HPCAL1: variants seen among roughly 807,000 people sequenced by gnomAD.
The protein encoded by HPCAL1 is hippocalcin-like protein 1.
HPCAL1 carries 8 observed loss-of-function variants against 17.1 expected under a neutral mutation model. The observed-to-expected ratio is 0.47, with a 90% CI of 0.27 to 0.84. HPCAL1 has a LOEUF of 0.84. HPCAL1 is among the 40% of genes least tolerant of loss of function. The pLI is 0.13. For synonymous variants in HPCAL1, 112 were observed against 111.4 expected (o/e 1.01, Z -0.03); for missense variants, 165 against 271.1 (o/e 0.61, Z 2.75).
chr2:10,341,315 G>A (rs1040261512), intron 1 of HPCAL1, among the ~76,000 whole-genome samples: 4 of 152,022 alleles, frequency 2.6e-5, no homozygotes, highest in African/African-American at 9.7e-5. Flanking sequence ...ACAAAAATTA[G>A]CCAGACACGG....
chr2:10,413,998 C>T (rs1330426412), intron 2 of HPCAL1, among the ~76,000 whole-genome samples: 1 of 152,392 alleles, frequency 6.6e-6, no homozygotes, highest in South Asian at 2.1e-4. Context: ...GGGCCAGCCT[C>T]CCCTCTGCTG....
rs1665191415 is a variant in HPCAL1, at chr2:10,342,973, G to A, written c.-111+39796G>A. On this transcript the variant is annotated intron_variant, in intron 1 of 4. Transcript: ENST00000307845. The surrounding 1 kb of genome is among the most constrained non-coding windows in gnomAD (Gnocchi z 4.1). ...TGGAGATGGCCAGTGCTGGTTTGAA[G>A]CTTCTGTCTTCTGTGTGGGATATCA... Among the ~76,000 whole-genome samples, 1 of 152,166 alleles carries A rather than the reference G, an allele frequency of 6.6e-6. No homozygotes were observed. Among genetic ancestry groups the A allele is most frequent in the African/African-American group, 2.4e-5 (1 of 41,430 alleles).
chr2:10,346,148 G>A (rs1027823960), intron 1 of HPCAL1, among the ~76,000 whole-genome samples: 2 of 151,984 alleles, frequency 1.3e-5, no homozygotes, highest in African/African-American at 2.4e-5. Context: ...GGTCCATCAG[G>A]GGCTGGTGGC....
rs150827369 is a variant in HPCAL1 at position 10,326,825 on chromosome 2, G to A, written c.-111+23648G>A. Among the ~76,000 whole-genome samples the A allele has an allele frequency of 6.8e-3, 1,030 of 152,274 alleles. 8 individuals carry two copies. The highest frequency in any genetic ancestry group is 0.023 in the African/African-American group (971 of 41,542). ...TGCATTTGAAAGTTGGCTGGTGCTC[G>A]CTGACAGATGCCGAGGCTCCCGTTT... On this transcript the variant is annotated intron_variant, in intron 1 of 4. Transcript: ENST00000307845.
rs1037578482 is a variant in HPCAL1, at chr2:10,419,073, C to T, written c.-24-661C>T. On this transcript the variant is annotated intron_variant, in intron 2 of 4. Coordinates refer to ENST00000307845, the MANE Select transcript of HPCAL1 (RefSeq NM_002149.4). The surrounding 1 kb of genome is among the most constrained non-coding windows in gnomAD (Gnocchi z 5.0). ...AAAAATACAAAAAATTAGCTGGGCGCGGTGGTGCATGCCTGTAATCCCAGC... is the reference window on the plus strand; with the variant it reads ...AAAAATACAAAAAATTAGCTGGGCGTGGTGGTGCATGCCTGTAATCCCAGC... Among the ~76,000 whole-genome samples the T allele has an allele frequency of 2.0e-5, 3 of 151,734 alleles. No individual in the cohort carries two copies. Among genetic ancestry groups the T allele is most frequent in the East Asian group, 3.9e-4 (2 of 5,176 alleles).
chr2:10,329,674 T>C (rs1171200208), intron 1 of HPCAL1, among the ~76,000 whole-genome samples: 1 of 152,252 alleles, frequency 6.6e-6, no homozygotes, highest in Non-Finnish European at 1.5e-5. Flanking sequence ...CACCGGGCTT[T>C]GTCTCTGCTT....
chr2:10,400,750 C>T (rs1281338213), intron 2 of HPCAL1, among the ~76,000 whole-genome samples: 2 of 150,708 alleles, frequency 1.3e-5, no homozygotes, highest in Non-Finnish European at 2.9e-5. Flanking sequence ...CCTGCACACA[C>T]GTACACACCC....
intron 1 of HPCAL1, among the ~76,000 whole-genome samples, chr2:10,319,531 T>G (rs1663534140): frequency 7.3e-6 from 1 of 137,524 alleles, no homozygotes; most frequent in African/African-American, 2.8e-5. Flanking sequence ...AACAGCCAGC[T>G]GTGTGATCAC....
At chr2:10,381,955 CAAA>C (rs925264726) in intron 1 of HPCAL1, among the ~76,000 whole-genome samples, 1 of 152,214 alleles carries the variant, frequency 6.6e-6, no homozygotes, top group African/African-American at 2.4e-5. Context: ...TATGTCCACA[CAAA>C]AACCTGCACA....
rs777291616 is a variant in HPCAL1, at chr2:10,420,142, G to A, written c.378+7G>A. 1 of 1,600,554 alleles carries A rather than the reference G, an allele frequency of 6.2e-7. No individual in the cohort carries two copies. The highest frequency in any genetic ancestry group is 8.5e-7 in the Non-Finnish European group (1 of 1,171,224). ...GATGCTGGAGATCGTGCAGGTACCG[G>A]CGCCCGAGGCCCCGGGTCTCACCGC... On this transcript the variant is annotated splice_region_variant and intron_variant, in intron 3 of 4. Coordinates refer to ENST00000307845, the MANE Select transcript of HPCAL1 (RefSeq NM_002149.4).
In HPCAL1 at chr2:10,368,235, ATG is replaced by A. The variant is rs56867598; in HGVS notation, c.-110-28589_-110-28588del. Among the ~76,000 whole-genome samples the A allele has an allele frequency of 2.1e-3, 295 of 142,156 alleles. 1 individual carries two copies. Among genetic ancestry groups the A allele is most frequent in the Middle Eastern group, 0.011 (3 of 268 alleles). The allele number at this position is 142,156 out of a possible 152,430, so 93.3% of individuals were successfully genotyped here. A position where few individuals can be genotyped will look rare whatever the true frequency, so the allele number is the denominator to read the frequency against. ...GGGGTGTGCGTGTGTACACATATGCATGTGTGTGTGTGCATTGTGTGTAGGTT... is the reference window on the plus strand; with the variant it reads ...GGGGTGTGCGTGTGTACACATATGCATGTGTGTGTGCATTGTGTGTAGGTT... On this transcript the variant is annotated intron_variant, in intron 1 of 4. Transcript: ENST00000307845.
At chr2:10,372,380 C>T (rs79517063) in intron 1 of HPCAL1, among the ~76,000 whole-genome samples, 4,817 of 152,236 alleles carry the variant, frequency 0.032, 116 homozygotes, top group South Asian at 0.13. Flanking sequence ...TATTATGTCC[C>T]GGATACTGTG....
chr2:10,371,047 G>A lies in HPCAL1; in HGVS notation c.-110-25788G>A, dbSNP rs112400417. Among the ~76,000 whole-genome samples, 928 of 152,280 alleles carry A rather than the reference G, an allele frequency of 6.1e-3. 3 individuals are homozygous for A. The highest frequency in any genetic ancestry group is 0.034 in the Middle Eastern group (10 of 294). On this transcript the variant is annotated intron_variant, in intron 1 of 4. Coordinates refer to ENST00000307845, the MANE Select transcript of HPCAL1 (RefSeq NM_002149.4). ...CAGAGGAGGCACCTCCAGGCTGCAG[G>A]GTCCAGTGACCTGGCATGGAGCAAA...
intron 1 of HPCAL1, among the ~76,000 whole-genome samples, chr2:10,314,518 G>A (rs1663184712): frequency 6.6e-6 from 1 of 152,228 alleles, no homozygotes; most frequent in African/African-American, 2.4e-5. Flanking sequence ...TTGGCAGTCA[G>A]CTAGATTCTT....
intron 1 of HPCAL1, among the ~76,000 whole-genome samples, chr2:10,364,647 C>A (rs1180808064): frequency 1.3e-5 from 2 of 150,910 alleles, no homozygotes; most frequent in African/African-American, 4.9e-5. Context: ...TGCGGTGGTG[C>A]GATCATGGCT....
In HPCAL1 at chr2:10,330,523, C is replaced by A; in HGVS notation, c.-111+27346C>A. On this transcript the variant is annotated intron_variant, in intron 1 of 4. Transcript: ENST00000307845. The surrounding 1 kb of genome is among the most constrained non-coding windows in gnomAD (Gnocchi z 4.2). Reference sequence around the variant, plus strand: ...GAGGCTGATGTCTGAGACAGGGTGGCGGCAGGGTTGGTGTCACCCGAGGCC... The same window carrying A: ...GAGGCTGATGTCTGAGACAGGGTGGAGGCAGGGTTGGTGTCACCCGAGGCC... Among the ~76,000 whole-genome samples, 1 of 152,096 alleles carries A rather than the reference C, an allele frequency of 6.6e-6. No individual in the cohort carries two copies. Among genetic ancestry groups the A allele is most frequent in the East Asian group, 1.9e-4 (1 of 5,178 alleles).
At chr2:10,360,521 C>A (rs968709390) in intron 1 of HPCAL1, among the ~76,000 whole-genome samples, 1 of 152,038 alleles carries the variant, frequency 6.6e-6, no homozygotes, top group Non-Finnish European at 1.5e-5. Context: ...AAGCGATTCT[C>A]ATGCCTCAGC....
At chr2:10,353,924 C>G (rs1440651296) in intron 1 of HPCAL1, among the ~76,000 whole-genome samples, 1 of 152,200 alleles carries the variant, frequency 6.6e-6, no homozygotes, top group Non-Finnish European at 1.5e-5. Context: ...TCCGGCTGCC[C>G]TCATGCAGCA....
At position 10,343,500 on chromosome 2, in the gene HPCAL1, C is replaced by T. The variant is rs1665223405; in HGVS notation, c.-111+40323C>T. On this transcript the variant is annotated intron_variant, in intron 1 of 4. Transcript: ENST00000307845. The surrounding 1 kb of genome is among the most constrained non-coding windows in gnomAD (Gnocchi z 4.8). Reference sequence around the variant, plus strand: ...CAGACTTCCATGCAAGTGATTCCTGCTGTTCCCTGGGTCTTCCTTTCTTTT... The same window carrying T: ...CAGACTTCCATGCAAGTGATTCCTGTTGTTCCCTGGGTCTTCCTTTCTTTT... Among the ~76,000 whole-genome samples, 1 of 152,240 alleles carries T rather than the reference C, an allele frequency of 6.6e-6. No individual in the cohort carries two copies. Among genetic ancestry groups the T allele is most frequent in the Non-Finnish European group, 1.5e-5 (1 of 68,044 alleles).
Sources: allele counts gnomAD v4.1 joint callset (sites outside exome capture counted in the v4.1 genomes callset), GRCh38; gene constraint gnomAD v4.1.1; non-coding constraint Gnocchi (gnomAD v3.1); transcripts MANE v1.5; gene names NCBI Gene and HGNC (gene_info 2026-07-23, HGNC 2026-07-21).